LRIG3: variants seen among roughly 807,000 people sequenced by gnomAD.
LRIG3 encodes leucine rich repeats and immunoglobulin like domains 3.
LRIG3 carries 76 observed loss-of-function variants against 114.5 expected under a neutral mutation model. The observed-to-expected ratio is 0.66, with a 90% CI of 0.55 to 0.80. LRIG3 has a LOEUF of 0.80. Among genes scored for constraint, LRIG3 ranks in the 30% least tolerant of loss-of-function variants. The pLI is 0.00. For missense variants in LRIG3, 1,239 were observed against 1,382.8 expected (o/e 0.90, Z 1.65); for synonymous variants, 512 against 519.8 (o/e 0.98, Z 0.20).
intron 1 of LRIG3, chr12:58,919,415 G>A (rs1455380462): frequency 2.6e-6 from 4 of 1,551,554 alleles, no homozygotes; most frequent in African/African-American, 2.7e-5. Flanking sequence ...TGGTTGAGGA[G>A]TGGGAACTTA....
intron 3 of LRIG3, among the ~76,000 whole-genome samples, chr12:58,901,935 A>G (rs11172811): frequency 0.076 from 11,610 of 152,252 alleles, 507 homozygotes; most frequent in East Asian, 0.11. Flanking sequence ...AGAGAAAAAT[A>G]TCTCTTCTGA....
At chr12:58,907,476 T>G (rs1240724129) in intron 3 of LRIG3, among the ~76,000 whole-genome samples, 2 of 152,182 alleles carry the variant, frequency 1.3e-5, no homozygotes, top group East Asian at 3.9e-4. Context: ...CCTGCATTCC[T>G]CCTGTGACCC....
At chr12:58,894,576 C>G (rs2120927885) in intron 3 of LRIG3, among the ~76,000 whole-genome samples, 1 of 151,744 alleles carries the variant, frequency 6.6e-6, no homozygotes, top group Middle Eastern at 3.4e-3. Flanking sequence ...AAAATACCCA[C>G]TTCTAGTAGA....
intron 3 of LRIG3, among the ~76,000 whole-genome samples, chr12:58,902,510 A>G (rs1280307551): frequency 6.6e-6 from 1 of 152,138 alleles, no homozygotes; most frequent in Non-Finnish European, 1.5e-5. Context: ...GATGGCAGGC[A>G]GGTGATTTTA....
intron 3 of LRIG3, among the ~76,000 whole-genome samples, chr12:58,912,323 C>T (rs1019333903): frequency 6.6e-6 from 1 of 152,002 alleles, no homozygotes; most frequent in Non-Finnish European, 1.5e-5. Context: ...GGTGAAACCC[C>T]CTCTCTACTA....
intron 3 of LRIG3, among the ~76,000 whole-genome samples, chr12:58,912,690 A>C (rs1481256679): frequency 1.3e-5 from 2 of 152,206 alleles, no homozygotes; most frequent in Admixed American, 6.5e-5. Flanking sequence ...ACATACTGAC[A>C]GAATCTGCCA....
At chr12:58,919,790 C>T (rs562822317) in intron 1 of LRIG3, among the ~76,000 whole-genome samples, 1 of 152,332 alleles carries the variant, frequency 6.6e-6, no homozygotes. Context: ...GCGCCAAGAG[C>T]CCACCTGCGC....
At chr12:58,900,978 A>G (rs907426878) in intron 3 of LRIG3, among the ~76,000 whole-genome samples, 12 of 152,192 alleles carry the variant, frequency 7.9e-5, no homozygotes, top group Non-Finnish European at 1.6e-4. Flanking sequence ...CGTGCTGTCG[A>G]CATTTGTATG....
At chr12:58,908,515 T>C (rs1185458339) in intron 3 of LRIG3, among the ~76,000 whole-genome samples, 1 of 152,222 alleles carries the variant, frequency 6.6e-6, no homozygotes, top group Non-Finnish European at 1.5e-5. Context: ...TCCCACCTCA[T>C]ACATACTCCA....
At chr12:58,892,099 A>C (rs1592301707) in intron 3 of LRIG3, among the ~76,000 whole-genome samples, 1 of 152,206 alleles carries the variant, frequency 6.6e-6, no homozygotes, top group Non-Finnish European at 1.5e-5. Flanking sequence ...CAATATAGTA[A>C]CTCCCAAGGG....
intron 13 of LRIG3, chr12:58,880,299 CAAAAAAA>C (rs11442337): frequency 3.5e-6 from 1 of 287,572 alleles, no homozygotes; most frequent in Admixed American, 5.9e-5. Context: ...GATTCCGTCT[CAAAAAAA>C]AAAAAAAGAA....
At chr12:58,916,425 T>A (rs1872485099) in intron 1 of LRIG3, among the ~76,000 whole-genome samples, 1 of 152,214 alleles carries the variant, frequency 6.6e-6, no homozygotes, top group Non-Finnish European at 1.5e-5. Flanking sequence ...ATGAAACTTT[T>A]AGTGTACCTA....
intron 12 of LRIG3, among the ~76,000 whole-genome samples, chr12:58,882,132 A>G (rs937547671): frequency 6.6e-6 from 1 of 152,244 alleles, no homozygotes; most frequent in Non-Finnish European, 1.5e-5. Flanking sequence ...ATGCAAAAGA[A>G]GGTTCTTAAT....
Position 58,915,979 on chromosome 12 carries a change from A to C in LRIG3, c.237-1643T>G, listed in dbSNP as rs771640257. On this transcript the variant is annotated intron_variant, in intron 1 of 18. Transcript: ENST00000320743. ...AACTAAAGAGCATTGAGCCAGCGTA[A>C]AACTGCATCCCCTATTGTTTCAGGT... Among the ~76,000 whole-genome samples, 5 of 152,322 alleles carry C rather than the reference A, an allele frequency of 3.3e-5. No homozygotes were observed. In the Middle Eastern group the frequency reaches 0.014, roughly 414 times the overall value.
intron 18 of LRIG3, 63 bp from the exon 19 acceptor site, chr12:58,872,879 C>T: frequency 6.4e-7 from 1 of 1,553,380 alleles, no homozygotes; most frequent in Non-Finnish European, 8.7e-7. Flanking sequence ...CAATAAAACC[C>T]ATTGCAAATG....
At chr12:58,901,696 T>C (rs1264969507) in intron 3 of LRIG3, among the ~76,000 whole-genome samples, 1 of 152,186 alleles carries the variant, frequency 6.6e-6, no homozygotes, top group Non-Finnish European at 1.5e-5. Flanking sequence ...GAAAATCTCA[T>C]ATTTTAAGAC....
chr12:58,905,680 A>G (rs898384878), intron 3 of LRIG3, among the ~76,000 whole-genome samples: 1 of 152,166 alleles, frequency 6.6e-6, no homozygotes, highest in Admixed American at 6.5e-5. Flanking sequence ...TAATGGTTTA[A>G]TAGATTAATG....
chr12:58,908,186 G>A (rs767660849), intron 3 of LRIG3, among the ~76,000 whole-genome samples: 10 of 152,184 alleles, frequency 6.6e-5, no homozygotes, highest in Non-Finnish European at 1.3e-4. Flanking sequence ...CCAGCAGATG[G>A]CGGAAAACCA....
At chr12:58,880,536 C>T in intron 13 of LRIG3, 45 bp downstream of exon 13, 1 of 1,578,632 alleles carries the variant, frequency 6.3e-7, no homozygotes, top group Non-Finnish European at 8.7e-7. Context: ...CTTTCTATTT[C>T]TAAAAGGTAT....
Sources: gnomAD v4.1 joint callset for allele counts (sites outside exome capture counted in the v4.1 genomes callset) on GRCh38, gnomAD v4.1.1 for gene constraint, MANE v1.5 for transcripts, NCBI Gene and HGNC (gene_info 2026-07-23, HGNC 2026-07-21) for gene names.